Variants in SH3RF3 observed in about 807,000 individuals in gnomAD.
The protein encoded by SH3RF3 is SH3 domain containing ring finger 3.
In SH3RF3, 29 loss-of-function variants were observed where a neutral mutation model predicts 66.3. The observed-to-expected ratio is 0.44, with a 90% CI of 0.33 to 0.60. The LOEUF is 0.60. Ranked by LOEUF, SH3RF3 falls within the 20% of genes least tolerant of loss-of-function variation. SH3RF3 has a pLI of 0.04. For synonymous variants in SH3RF3, 583 were observed against 532.0 expected (o/e 1.10, Z -1.32); for missense variants, 1,194 against 1,190.9 (o/e 1.00, Z -0.04).
intron 2 of SH3RF3, among the ~76,000 whole-genome samples, chr2:109,349,464 A>T (rs991907013): frequency 3.9e-5 from 6 of 152,132 alleles, no homozygotes. Flanking sequence ...ATTTTTAGGC[A>T]CACAGAAACC....
chr2:109,300,472 G>A lies in SH3RF3; in HGVS notation c.574-47202G>A, dbSNP rs112716766. Among the ~76,000 whole-genome samples, 634 of 152,272 alleles carry A rather than the reference G, an allele frequency of 4.2e-3. 8 individuals are homozygous for A. The highest frequency in any genetic ancestry group is 0.014 in the African/African-American group (593 of 41,544). Reference sequence around the variant, plus strand: ...TGGGATTATAGGTGTGAGCCACTGCGCCCATCCGCACCCTGAGTTTTTATA... The same window carrying A: ...TGGGATTATAGGTGTGAGCCACTGCACCCATCCGCACCCTGAGTTTTTATA... On this transcript the variant is annotated intron_variant, in intron 1 of 9. Coordinates refer to ENST00000309415, the MANE Select transcript of SH3RF3 (RefSeq NM_001099289.3).
intron 1 of SH3RF3, among the ~76,000 whole-genome samples, chr2:109,238,999 G>A (rs1679717219): frequency 6.6e-6 from 1 of 152,224 alleles, no homozygotes; most frequent in Non-Finnish European, 1.5e-5. Flanking sequence ...GAGAGGAAAA[G>A]CTACTGGTAG....
intron 3 of SH3RF3, among the ~76,000 whole-genome samples, chr2:109,378,173 C>T (rs761235231): frequency 1.6e-4 from 24 of 152,232 alleles, no homozygotes; most frequent in Non-Finnish European, 2.9e-4. Flanking sequence ...CTCCGCAGCA[C>T]CTCCAGACCT....
At chr2:109,412,517 G>A (rs946769391) in intron 4 of SH3RF3, among the ~76,000 whole-genome samples, 8 of 152,346 alleles carry the variant, frequency 5.3e-5, no homozygotes, top group Middle Eastern at 3.4e-3. Context: ...CACTCTTCCC[G>A]CTGCTGCAGA....
At chr2:109,194,772 C>T (rs1678457188) in intron 1 of SH3RF3, among the ~76,000 whole-genome samples, 1 of 152,074 alleles carries the variant, frequency 6.6e-6, no homozygotes, top group African/African-American at 2.4e-5. Flanking sequence ...CAAGCTCTGC[C>T]CAGAATGTGG....
At chr2:109,370,634 C>T (rs1459993432) in intron 2 of SH3RF3, among the ~76,000 whole-genome samples, 1 of 152,136 alleles carries the variant, frequency 6.6e-6, no homozygotes, top group Non-Finnish European at 1.5e-5. Context: ...TCTCCTCCGT[C>T]CTTTTCCTCT....
intron 1 of SH3RF3, among the ~76,000 whole-genome samples, chr2:109,279,454 C>T (rs1194424500): frequency 6.6e-6 from 1 of 152,196 alleles, no homozygotes; most frequent in African/African-American, 2.4e-5. Flanking sequence ...TCCTCCACCT[C>T]ACTTTAATGC....
intron 1 of SH3RF3, among the ~76,000 whole-genome samples, chr2:109,336,505 C>T (rs1013893792): frequency 2.0e-5 from 3 of 152,118 alleles, no homozygotes; most frequent in Non-Finnish European, 2.9e-5. Context: ...GCTGAGGACT[C>T]GCTGTGAGGC....
chr2:109,223,079 C>T (rs1351874847), intron 1 of SH3RF3, among the ~76,000 whole-genome samples: 3 of 152,350 alleles, frequency 2.0e-5, no homozygotes, highest in Middle Eastern at 3.4e-3. Context: ...GGCACCACGC[C>T]CTGATGCTTC....
chr2:109,222,596 A>T (rs1679281046), intron 1 of SH3RF3, among the ~76,000 whole-genome samples: 1 of 152,222 alleles, frequency 6.6e-6, no homozygotes, highest in Non-Finnish European at 1.5e-5. Flanking sequence ...CAGCATCCAC[A>T]GCACGCGTGT....
chr2:109,173,416 G>A (rs905091045), intron 1 of SH3RF3, among the ~76,000 whole-genome samples: 3 of 152,110 alleles, frequency 2.0e-5, no homozygotes, highest in African/African-American at 7.2e-5. Flanking sequence ...TCTTGGTTTG[G>A]AAGAATTCGG....
At position 109,485,888 on chromosome 2, in the gene SH3RF3, G is replaced by A. The variant is rs184473470; in HGVS notation, c.2149-4717G>A. Among the ~76,000 whole-genome samples, 608 of 152,356 alleles carry A rather than the reference G, an allele frequency of 4.0e-3. 7 individuals are homozygous for A. Among genetic ancestry groups the A allele is most frequent in the African/African-American group, 0.014 (576 of 41,580 alleles). ...CCTCATCGCAAGCCTCCAGTCCCTG[G>A]CCCTCCCTGGCCCTTGATCTCCTAC... is the stretch of plus-strand genomic sequence containing the variant. On this transcript the variant is annotated intron_variant, in intron 8 of 9. Transcript: ENST00000309415.
At chr2:109,412,994 C>G (rs986863894) in intron 4 of SH3RF3, among the ~76,000 whole-genome samples, 1 of 152,156 alleles carries the variant, frequency 6.6e-6, no homozygotes, top group African/African-American at 2.4e-5. Context: ...ATTCTGTGTC[C>G]TTGTCAGCCT....
intron 1 of SH3RF3, among the ~76,000 whole-genome samples, chr2:109,334,339 C>T (rs1053880470): frequency 2.0e-5 from 2 of 99,414 alleles, no homozygotes; most frequent in South Asian, 3.7e-4. Context: ...GATTGGGTGA[C>T]AGTTTTTTTT....
At chr2:109,477,623 TG>T (rs1678720172) in intron 8 of SH3RF3, among the ~76,000 whole-genome samples, 1 of 151,856 alleles carries the variant, frequency 6.6e-6, no homozygotes, top group Admixed American at 6.6e-5. Context: ...GGTGTGTGTG[TG>T]TGTGTGTGTG....
intron 3 of SH3RF3, among the ~76,000 whole-genome samples, chr2:109,395,664 T>C (rs914693191): frequency 6.6e-6 from 1 of 152,202 alleles, no homozygotes; most frequent in African/African-American, 2.4e-5. Flanking sequence ...GAAGGCACAG[T>C]GCAGTCACTT....
chr2:109,235,746 C>G (rs574327433), intron 1 of SH3RF3, among the ~76,000 whole-genome samples: 1 of 152,352 alleles, frequency 6.6e-6, no homozygotes, highest in East Asian at 1.9e-4. Flanking sequence ...GCTCTGATGA[C>G]AACACTTGTT....
chr2:109,207,018 G>A (rs1008663445), intron 1 of SH3RF3, among the ~76,000 whole-genome samples: 2 of 152,140 alleles, frequency 1.3e-5, no homozygotes, highest in African/African-American at 4.8e-5. Flanking sequence ...CAGGAGGTGA[G>A]AACCACTCAG....
At chr2:109,173,303 C>A (rs574339241) in intron 1 of SH3RF3, among the ~76,000 whole-genome samples, 1 of 152,112 alleles carries the variant, frequency 6.6e-6, no homozygotes, top group Non-Finnish European at 1.5e-5. Flanking sequence ...CCTGCACTTG[C>A]GTTTTCTCCT....
Sources: gnomAD v4.1 joint callset for allele counts (sites outside exome capture counted in the v4.1 genomes callset) on GRCh38, gnomAD v4.1.1 for gene constraint, MANE v1.5 for transcripts, NCBI Gene and HGNC (gene_info 2026-07-23, HGNC 2026-07-21) for gene names.